The following NSMCE2 variants were observed in gnomAD, a reference collection of about 807,000 sequenced individuals.
NSMCE2 encodes the protein E3 SUMO-protein ligase NSE2.
A neutral mutation model predicts 23.8 loss-of-function variants in NSMCE2; 24 were observed. The ratio of observed to expected loss-of-function variants is 1.01; its 90% CI spans 0.73 to 1.42. The LOEUF is 1.42. Among genes scored for constraint, NSMCE2 ranks in the 40% most tolerant of loss-of-function variants. The probability of loss-of-function intolerance (pLI) is 0.00; values close to 1 mark genes in which losing one functional copy is unlikely to be tolerated. For missense variants in NSMCE2, 284 were observed against 296.5 expected (o/e 0.96, Z 0.31); for synonymous variants, 92 against 94.1 (o/e 0.98, Z 0.13).
At chr8:125,225,839 G>T (rs1825068445) in intron 5 of NSMCE2, among the ~76,000 whole-genome samples, 1 of 152,098 alleles carries the variant, frequency 6.6e-6, no homozygotes, top group Admixed American at 6.5e-5. Flanking sequence ...TGTTTGATGA[G>T]GTGTAAAATA....
chr8:125,362,366 C>T (rs1211858384), intron 7 of NSMCE2, among the ~76,000 whole-genome samples: 1 of 152,204 alleles, frequency 6.6e-6, no homozygotes, highest in Non-Finnish European at 1.5e-5. Context: ...TCAACCTCGC[C>T]TCCAGGAAGT....
chr8:125,170,080 T>C (rs1237055056), intron 4 of NSMCE2, among the ~76,000 whole-genome samples: 2 of 148,724 alleles, frequency 1.3e-5, no homozygotes, highest in East Asian at 3.8e-4. Context: ...AGTTAATCAT[T>C]TTTCATAGCA....
intron 5 of NSMCE2, among the ~76,000 whole-genome samples, chr8:125,356,473 C>T (rs954229673): frequency 2.0e-5 from 3 of 151,786 alleles, no homozygotes; most frequent in Non-Finnish European, 2.9e-5. Context: ...GGACTACAGG[C>T]ACATGCCACC....
At position 125,102,105 on chromosome 8, in the gene NSMCE2, A is replaced by G. The variant is rs1818219783; in HGVS notation, c.-56A>G. 4 of 460,394 alleles carry G rather than the reference A, an allele frequency of 8.7e-6. No homozygotes were observed. The highest frequency in any genetic ancestry group is 5.8e-5 in the African/African-American group (3 of 51,384). The allele number at this position is 460,394 out of a possible 1,614,324, so 28.5% of individuals were successfully genotyped here. A position where few individuals can be genotyped will look rare whatever the true frequency, so the allele number is the denominator to read the frequency against. On this transcript the variant is annotated 5_prime_UTR_variant, in exon 2 of 8. Coordinates refer to ENST00000287437, the MANE Select transcript of NSMCE2 (RefSeq NM_173685.4). ...CTCTCTCCAAAAACTGAGGACACTT[A>G]CCTTCCCCATATATTGAGTCCAGCT...
intron 5 of NSMCE2, among the ~76,000 whole-genome samples, chr8:125,303,119 A>G (rs377404819): frequency 1.3e-5 from 2 of 152,266 alleles, no homozygotes; most frequent in South Asian, 4.2e-4. Context: ...CCAAAATACC[A>G]AAGGTTCAGT....
At chr8:125,238,318 G>T (rs535433346) in intron 5 of NSMCE2, among the ~76,000 whole-genome samples, 1 of 152,134 alleles carries the variant, frequency 6.6e-6, no homozygotes, top group South Asian at 2.1e-4. Context: ...ATTTCAAAGG[G>T]TTTCAAGTTC....
chr8:125,112,448 G>A lies in NSMCE2; in HGVS notation c.157+9961G>A, dbSNP rs115765270. Among the ~76,000 whole-genome samples, 1,450 of 152,232 alleles carry A rather than the reference G, an allele frequency of 9.5e-3. 26 individuals carry two copies. Among genetic ancestry groups the A allele is most frequent in the African/African-American group, 0.033 (1,391 of 41,530 alleles). On this transcript the variant is annotated intron_variant, in intron 3 of 7. Coordinates refer to ENST00000287437, the MANE Select transcript of NSMCE2 (RefSeq NM_173685.4). ...AGATATCTGCCTTCTCATATTCACT[G>A]CAACATTATTCACAATAGCCAAGAT... is the stretch of plus-strand genomic sequence containing the variant.
intron 3 of NSMCE2, among the ~76,000 whole-genome samples, chr8:125,103,422 T>C (rs1233986424): frequency 2.6e-5 from 4 of 152,164 alleles, no homozygotes; most frequent in African/African-American, 9.7e-5. Context: ...TTTATTGGCA[T>C]AGGTTTTGAG....
intron 3 of NSMCE2, among the ~76,000 whole-genome samples, chr8:125,129,472 T>C (rs2130550453): frequency 6.6e-6 from 1 of 152,194 alleles, no homozygotes; most frequent in South Asian, 2.1e-4. Flanking sequence ...CTACTTAGTT[T>C]ATTTGCCACC....
Position 125,295,161 on chromosome 8 carries a change from A to T in NSMCE2, c.419-62058A>T, listed in dbSNP as rs548146178. ...CTCTGTATCCCTTGTTTCCAGTAAAAGCACTGTGATTTTTAGCCCCTTGCT... is the reference window on the plus strand; with the variant it reads ...CTCTGTATCCCTTGTTTCCAGTAAATGCACTGTGATTTTTAGCCCCTTGCT... On this transcript the variant is annotated intron_variant, in intron 5 of 7. Transcript: ENST00000287437. Among the ~76,000 whole-genome samples the T allele has an allele frequency of 1.1e-3, 166 of 152,308 alleles. 3 individuals carry two copies. Among genetic ancestry groups the T allele is most frequent in the Non-Finnish European group, 3.4e-4 (23 of 68,022 alleles).
chr8:125,204,554 T>A (rs1824027866), intron 5 of NSMCE2, among the ~76,000 whole-genome samples: 1 of 152,212 alleles, frequency 6.6e-6, no homozygotes, highest in South Asian at 2.1e-4. Flanking sequence ...AAGTATTAAG[T>A]TGACCATACT....
At chr8:125,310,846 G>A (rs189594494) in intron 5 of NSMCE2, among the ~76,000 whole-genome samples, 3 of 152,270 alleles carry the variant, frequency 2.0e-5, no homozygotes, top group African/African-American at 7.2e-5. Flanking sequence ...AACGATTAAT[G>A]AGATATGTTT....
intron 4 of NSMCE2, among the ~76,000 whole-genome samples, chr8:125,177,444 G>A (rs545694168): frequency 6.6e-6 from 1 of 152,118 alleles, no homozygotes; most frequent in South Asian, 2.1e-4. Context: ...TTCCTCCTTT[G>A]CCATCAAACT....
intron 5 of NSMCE2, among the ~76,000 whole-genome samples, chr8:125,184,091 A>C (rs552437890): frequency 9.9e-5 from 15 of 152,242 alleles, no homozygotes; most frequent in Admixed American, 2.6e-4. Flanking sequence ...TTATTTGACT[A>C]TTTGGAGCCA....
chr8:125,366,668 C>T (rs566051376), intron 7 of NSMCE2, 100 bp from the exon 8 acceptor site: 1 of 735,632 alleles, frequency 1.4e-6, no homozygotes, highest in South Asian at 1.6e-5. Context: ...TGACACTTTT[C>T]CTTTTTCAGT....
intron 3 of NSMCE2, among the ~76,000 whole-genome samples, chr8:125,128,262 T>G (rs957506486): frequency 2.0e-5 from 3 of 152,184 alleles, no homozygotes; most frequent in Non-Finnish European, 4.4e-5. Flanking sequence ...GGGAAATGGC[T>G]TCCTAGGAAT....
At chr8:125,186,521 G>A (rs1823113229) in intron 5 of NSMCE2, among the ~76,000 whole-genome samples, 2 of 152,150 alleles carry the variant, frequency 1.3e-5, no homozygotes, top group Non-Finnish European at 2.9e-5. Context: ...AAAGCAAAAA[G>A]CAGGAATCTG....
chr8:125,150,073 G>C (rs1820911680), intron 3 of NSMCE2, among the ~76,000 whole-genome samples: 1 of 152,048 alleles, frequency 6.6e-6, no homozygotes, highest in Non-Finnish European at 1.5e-5. Context: ...GGGAACCCAG[G>C]CTGCTGCAAA....
At chr8:125,295,572 T>C (rs1261431894) in intron 5 of NSMCE2, among the ~76,000 whole-genome samples, 1 of 152,204 alleles carries the variant, frequency 6.6e-6, no homozygotes, top group Non-Finnish European at 1.5e-5. Flanking sequence ...CTCTGCTTAG[T>C]ACAGCTTTGG....
Sources: allele counts gnomAD v4.1 joint callset (sites outside exome capture counted in the v4.1 genomes callset), GRCh38; gene constraint gnomAD v4.1.1; transcripts MANE v1.5; gene names NCBI Gene and HGNC (gene_info 2026-07-23, HGNC 2026-07-21).